The following FBXW8 variants were observed in gnomAD, a reference collection of about 807,000 sequenced individuals.
FBXW8 encodes F-box and WD repeat domain containing 8, also known as F-box/WD repeat-containing protein 8.
FBXW8 carries 57 observed loss-of-function variants against 65.3 expected under a neutral mutation model. That is an observed-to-expected ratio of 0.87 (90% CI 0.71 to 1.09). The LOEUF is 1.09. Among genes scored for constraint, FBXW8 ranks in the 50% least tolerant of loss-of-function variants. The pLI is 0.00. For missense variants in FBXW8, 777 were observed against 814.8 expected, an observed-to-expected ratio of 0.95 and a Z score of 0.57; for synonymous variants, 308 against 330.2, an observed-to-expected ratio of 0.93 and a Z score of 0.73.
At chr12:116,983,984 C>T (rs186230826) in intron 5 of FBXW8, among the ~76,000 whole-genome samples, 7 of 152,260 alleles carry the variant, frequency 4.6e-5, no homozygotes, top group Admixed American at 3.9e-4. Context: ...TGGATTTGAA[C>T]TCAAATAGTC....
In FBXW8 at chr12:116,968,256, T is replaced by C. The variant is rs564255498; in HGVS notation, c.835+3402T>C. 1.1e-4 allele frequency among the ~76,000 whole-genome samples: 16 copies of C among 152,360 alleles called. No homozygotes were observed. The East Asian group carries it at 2.9e-3, about 28-fold the overall frequency. ...TGAGAAATCTTGCTGCCACCCACTT[T>C]TGTCTGCTCCATTCTGAAGTAACCA... On this transcript the variant is annotated intron_variant, in intron 5 of 10. Coordinates refer to ENST00000652555, the MANE Select transcript of FBXW8 (RefSeq NM_153348.3).
chr12:116,914,709 C>T (rs1880262542), intron 1 of FBXW8, among the ~76,000 whole-genome samples: 1 of 151,902 alleles, frequency 6.6e-6, no homozygotes, highest in Non-Finnish European at 1.5e-5. Flanking sequence ...AACTCTGTCT[C>T]TACTAAAAAT....
chr12:116,921,780 T>C (rs1880921704), intron 1 of FBXW8, among the ~76,000 whole-genome samples: 1 of 151,862 alleles, frequency 6.6e-6, no homozygotes, highest in Non-Finnish European at 1.5e-5. Flanking sequence ...GTAATATAAT[T>C]GCTTAGAGGC....
At chr12:116,943,014 T>G (rs1165971705) in intron 2 of FBXW8, among the ~76,000 whole-genome samples, 3 of 152,086 alleles carry the variant, frequency 2.0e-5, no homozygotes, top group Non-Finnish European at 4.4e-5. Context: ...CCTGACCTGG[T>G]GATCTACCCA....
chr12:117,009,424 GTTCA>G (rs1953753071), intron 7 of FBXW8, among the ~76,000 whole-genome samples: 1 of 151,944 alleles, frequency 6.6e-6, no homozygotes. Context: ...AAACTTCTGA[GTTCA>G]TTAATTTAAA....
intron 5 of FBXW8, among the ~76,000 whole-genome samples, chr12:116,968,279 C>T (rs1565918643): frequency 6.6e-6 from 1 of 152,074 alleles, no homozygotes; most frequent in Non-Finnish European, 1.5e-5. Context: ...TCTGAAGTAA[C>T]CATATTTTTT....
At chr12:116,997,766 G>A (rs927577363) in intron 7 of FBXW8, among the ~76,000 whole-genome samples, 1 of 152,188 alleles carries the variant, frequency 6.6e-6, no homozygotes, top group Non-Finnish European at 1.5e-5. Context: ...AGGTATAGCG[G>A]CCCATGCTGC....
At chr12:116,912,820 G>A (rs2137278752) in intron 1 of FBXW8, among the ~76,000 whole-genome samples, 1 of 152,278 alleles carries the variant, frequency 6.6e-6, no homozygotes, top group East Asian at 1.9e-4. Context: ...ATTATTTTAT[G>A]TAATATGTAG....
intron 1 of FBXW8, among the ~76,000 whole-genome samples, chr12:116,919,213 C>T (rs1880688416): frequency 6.6e-6 from 1 of 152,172 alleles, no homozygotes; most frequent in Non-Finnish European, 1.5e-5. Context: ...GGGGAATCAG[C>T]AGTAAACAGA....
At position 116,954,901 on chromosome 12, in the gene FBXW8, C is replaced by T. The variant is rs182035177; in HGVS notation, c.677+5195C>T. Among the ~76,000 whole-genome samples, 375 of 152,248 alleles carry T rather than the reference C, an allele frequency of 2.5e-3. 4 individuals carry two copies. Among genetic ancestry groups the T allele is most frequent in the Non-Finnish European group, 4.7e-3 (321 of 68,016 alleles). On this transcript the variant is annotated intron_variant, in intron 4 of 10. Coordinates refer to ENST00000652555, the MANE Select transcript of FBXW8 (RefSeq NM_153348.3). ...CCGTCTAACCTCCCTCCAGCTGGCT[C>T]CATCCCAGCCCCACTGTGCTGCACT...
chr12:116,999,268 A>G (rs1383082252), intron 7 of FBXW8, among the ~76,000 whole-genome samples: 3 of 152,212 alleles, frequency 2.0e-5, no homozygotes, highest in African/African-American at 7.2e-5. Flanking sequence ...GGCTGTGTCC[A>G]GAGAGCTGCT....
chr12:116,985,247 G>C lies in FBXW8; in HGVS notation c.877G>C (p.Val293Leu), dbSNP rs1419704502. The C allele has an allele frequency of 6.2e-7, 1 of 1,613,580 alleles. No individual in the cohort carries two copies. The highest frequency in any genetic ancestry group is 1.7e-5 in the Admixed American group (1 of 59,876). ...GGATTTAAGGACCGGAAAGTACCCTGTTCATCGTTTTGAGCACGATGCAAG... is the reference window on the plus strand; with the variant it reads ...GGATTTAAGGACCGGAAAGTACCCTCTTCATCGTTTTGAGCACGATGCAAG... Reference protein sequence around the residue: ...IWDLRTGKYPVHRFEHDARIQ... With the variant: ...IWDLRTGKYPLHRFEHDARIQ... Residue 293 changes from valine (V) to leucine (L), a missense_variant, in exon 6 of 11, where the codon GTT (valine) becomes CTT (leucine). Coordinates refer to ENST00000652555, the MANE Select transcript of FBXW8 (RefSeq NM_153348.3).
intron 2 of FBXW8, among the ~76,000 whole-genome samples, chr12:116,934,057 A>G (rs1231612828): frequency 2.0e-5 from 3 of 152,184 alleles, no homozygotes; most frequent in African/African-American, 7.2e-5. Context: ...TCTTTATGCC[A>G]AATTGGTAAC....
intron 5 of FBXW8, among the ~76,000 whole-genome samples, chr12:116,984,992 A>G (rs1885564370): frequency 6.6e-6 from 1 of 152,212 alleles, no homozygotes; most frequent in African/African-American, 2.4e-5. Context: ...CTGTTTCTAA[A>G]AAATAAAAAA....
intron 1 of FBXW8, among the ~76,000 whole-genome samples, chr12:116,912,363 A>AT (rs1426741414): frequency 1.3e-5 from 2 of 149,944 alleles, no homozygotes; most frequent in East Asian, 3.9e-4. Context: ...AATTTTTTAA[A>AT]TTTTTTGGTA....
chr12:116,973,190 AAGGG>A (rs1884737470), intron 5 of FBXW8, among the ~76,000 whole-genome samples: 2 of 152,228 alleles, frequency 1.3e-5, no homozygotes, highest in African/African-American at 4.8e-5. Context: ...AATAAATAAA[AAGGG>A]AGGAGAGAAA....
At chr12:117,019,051 C>T (rs1264521399) in intron 8 of FBXW8, among the ~76,000 whole-genome samples, 1 of 152,196 alleles carries the variant, frequency 6.6e-6, no homozygotes, top group Non-Finnish European at 1.5e-5. Context: ...AGCATTTATA[C>T]TTTTTCTCTT....
At chr12:117,004,087 A>C (rs1953615264) in intron 7 of FBXW8, among the ~76,000 whole-genome samples, 1 of 152,158 alleles carries the variant, frequency 6.6e-6, no homozygotes, top group African/African-American at 2.4e-5. Context: ...CTGCCCATTC[A>C]GATTTCCCAT....
intron 2 of FBXW8, among the ~76,000 whole-genome samples, chr12:116,934,417 T>C (rs1439281495): frequency 6.6e-6 from 1 of 152,040 alleles, no homozygotes; most frequent in African/African-American, 2.4e-5. Context: ...GTAATCTTGC[T>C]ATTTATAATT....
Sources: gnomAD v4.1 joint callset for allele counts (sites outside exome capture counted in the v4.1 genomes callset) on GRCh38, gnomAD v4.1.1 for gene constraint, MANE v1.5 for transcripts, NCBI Gene and HGNC (gene_info 2026-07-23, HGNC 2026-07-21) for gene names.